The following CHST9 variants were observed in gnomAD, a reference collection of about 807,000 sequenced individuals.
CHST9 encodes the protein GalNAc-4-sulfotransferase 2.
CHST9 carries 41 observed loss-of-function variants against 44.4 expected under a neutral mutation model. That is an observed-to-expected ratio of 0.92 (90% CI 0.72 to 1.20). The LOEUF is 1.20. Among genes scored for constraint, CHST9 ranks in the 50% most tolerant of loss-of-function variants. CHST9 has a pLI of 0.00. For missense variants in CHST9, 504 were observed against 516.5 expected, an observed-to-expected ratio of 0.98 and a Z score of 0.23; for synonymous variants, 171 against 178.4, an observed-to-expected ratio of 0.96 and a Z score of 0.33.
intron 2 of CHST9, among the ~76,000 whole-genome samples, chr18:27,123,393 C>T (rs1003708232): frequency 5.9e-5 from 9 of 152,134 alleles, no homozygotes; most frequent in Non-Finnish European, 8.8e-5. Context: ...ACACCATCAC[C>T]CTGGTAAAAG....
chr18:27,144,754 C>T (rs372660231), intron 1 of CHST9, among the ~76,000 whole-genome samples: 2 of 152,062 alleles, frequency 1.3e-5, no homozygotes, highest in South Asian at 4.1e-4. Context: ...ATCCATGATA[C>T]CACATTTAAC....
chr18:27,074,601 C>A (rs529032188), intron 2 of CHST9, among the ~76,000 whole-genome samples: 1 of 152,096 alleles, frequency 6.6e-6, no homozygotes, highest in Non-Finnish European at 1.5e-5. Context: ...TTCCCCTACT[C>A]CAAGTCCTGG....
At chr18:27,055,062 G>A (rs563281084) in intron 2 of CHST9, among the ~76,000 whole-genome samples, 7 of 152,032 alleles carry the variant, frequency 4.6e-5, no homozygotes, top group East Asian at 3.9e-4. Flanking sequence ...CTGAGTTTGC[G>A]TTCACTTTCA....
At chr18:26,983,966 C>CT (rs1243253452) in intron 4 of CHST9, among the ~76,000 whole-genome samples, 1 of 152,170 alleles carries the variant, frequency 6.6e-6, no homozygotes, top group Non-Finnish European at 1.5e-5. Context: ...CTAGGGTCAA[C>CT]CCCTCTTCAC....
intron 4 of CHST9, among the ~76,000 whole-genome samples, chr18:26,948,420 A>G (rs552921566): frequency 6.6e-6 from 1 of 152,286 alleles, no homozygotes; most frequent in South Asian, 2.1e-4. Context: ...ACAGATTTGC[A>G]TTTTTAAAAG....
chr18:26,978,283 G>GTT (rs2056649651), intron 4 of CHST9, among the ~76,000 whole-genome samples: 1 of 128,958 alleles, frequency 7.8e-6, no homozygotes, highest in Non-Finnish European at 1.8e-5. Flanking sequence ...GTGAGTGTGT[G>GTT]TATGTGTGTG....
intron 4 of CHST9, among the ~76,000 whole-genome samples, chr18:27,001,435 T>C (rs1043414936): frequency 6.6e-6 from 1 of 152,150 alleles, no homozygotes. Flanking sequence ...AGAAGTTTGT[T>C]TTGCAAACAA....
At chr18:27,061,248 T>C (rs78492118) in intron 2 of CHST9, among the ~76,000 whole-genome samples, 1 of 152,240 alleles carries the variant, frequency 6.6e-6, no homozygotes, top group Non-Finnish European at 1.5e-5. Flanking sequence ...TCAGGTTTTC[T>C]TGTTATGTGT....
At chr18:27,166,083 T>G (rs2058787985) in intron 1 of CHST9, among the ~76,000 whole-genome samples, 1 of 152,178 alleles carries the variant, frequency 6.6e-6, no homozygotes, top group Non-Finnish European at 1.5e-5. Flanking sequence ...TTTCTCTTTC[T>G]TCTGTCTTGG....
chr18:27,086,107 G>A (rs1199068731), intron 2 of CHST9, among the ~76,000 whole-genome samples: 1 of 152,062 alleles, frequency 6.6e-6, no homozygotes, highest in Non-Finnish European at 1.5e-5. Flanking sequence ...ATAGACACAG[G>A]CCTACTTGAG....
chr18:27,092,290 T>C (rs184321350), intron 2 of CHST9, among the ~76,000 whole-genome samples: 10,316 of 152,242 alleles, frequency 0.068, 439 homozygotes, highest in East Asian at 0.14. Context: ...GGTGGTGATA[T>C]CCCCTTTATG....
chr18:26,921,916 A>G (rs1450375076), intron 5 of CHST9, among the ~76,000 whole-genome samples: 1 of 152,172 alleles, frequency 6.6e-6, no homozygotes, highest in African/African-American at 2.4e-5. Context: ...GGGAAAGTAA[A>G]TTGGCTATTT....
chr18:26,949,149 T>A (rs1325391429), intron 4 of CHST9, among the ~76,000 whole-genome samples: 1 of 152,034 alleles, frequency 6.6e-6, no homozygotes, highest in African/African-American at 2.4e-5. Context: ...AAGACAGCAA[T>A]GAGCATGTGC....
intron 4 of CHST9, among the ~76,000 whole-genome samples, chr18:26,984,234 A>G (rs2056727392): frequency 6.6e-6 from 1 of 152,218 alleles, no homozygotes; most frequent in South Asian, 2.1e-4. Context: ...ATGAAATATC[A>G]ACTTGCCTAG....
At chr18:27,060,991 G>T (rs561689274) in intron 2 of CHST9, among the ~76,000 whole-genome samples, 2 of 152,168 alleles carry the variant, frequency 1.3e-5, no homozygotes, top group Admixed American at 6.5e-5. Context: ...AAAAAGACAC[G>T]CATGGGAGAA....
At chr18:27,044,163 T>C (rs976609464) in intron 3 of CHST9, among the ~76,000 whole-genome samples, 2 of 152,068 alleles carry the variant, frequency 1.3e-5, no homozygotes, top group Admixed American at 6.6e-5. Flanking sequence ...TTCCTCATGA[T>C]ACCTTGTACA....
At chr18:27,097,615 T>G (rs1037403093) in intron 2 of CHST9, among the ~76,000 whole-genome samples, 3 of 152,148 alleles carry the variant, frequency 2.0e-5, no homozygotes, top group African/African-American at 7.2e-5. Context: ...TTTTGGCTTT[T>G]GTTGCAATGG....
intron 2 of CHST9, among the ~76,000 whole-genome samples, chr18:27,088,843 G>T (rs966520914): frequency 2.6e-5 from 4 of 152,278 alleles, no homozygotes; most frequent in Admixed American, 2.0e-4. Context: ...GCCAGACAGG[G>T]TTTCACATAC....
intron 2 of CHST9, among the ~76,000 whole-genome samples, chr18:27,070,353 A>G (rs900146847): frequency 6.6e-6 from 1 of 152,242 alleles, no homozygotes. Context: ...CAAATTATAC[A>G]TAATATAATT....
Sources: gnomAD v4.1 joint callset for allele counts (sites outside exome capture counted in the v4.1 genomes callset) on GRCh38, gnomAD v4.1.1 for gene constraint, MANE v1.5 for transcripts, NCBI Gene and HGNC (gene_info 2026-07-23, HGNC 2026-07-21) for gene names.